Variants in ABCC3 observed in about 807,000 individuals in gnomAD.
ABCC3 encodes the protein ATP binding cassette subfamily C member 3.
In ABCC3, 121 loss-of-function variants were observed where a neutral mutation model predicts 165.3. The ratio of observed to expected loss-of-function variants is 0.73; its 90% CI spans 0.63 to 0.85. The LOEUF (loss-of-function observed/expected upper bound fraction) is 0.85. Ranked by LOEUF, ABCC3 falls within the 40% of genes least tolerant of loss-of-function variation. The pLI is 0.00. For missense variants in ABCC3, 1,869 were observed against 1,964.1 expected, an observed-to-expected ratio of 0.95 and a Z score of 0.92; for synonymous variants, 733 against 810.1, an observed-to-expected ratio of 0.90 and a Z score of 1.62.
At position 50,653,836 on chromosome 17, in the gene ABCC3, G is replaced by T. The variant is rs1404690716; in HGVS notation, c.46-1996G>T. Among the ~76,000 whole-genome samples the T allele has an allele frequency of 2.0e-5, 3 of 151,682 alleles. No individual in the cohort carries two copies. The East Asian group carries it at 5.8e-4, about 29-fold the overall frequency. On this transcript the variant is annotated intron_variant, in intron 1 of 30. Transcript: ENST00000285238. ...TGTGGTCAAGTAGTACTTACAGAGA[G>T]AAAAAAAGTGACACATAGAAATAGC...
chr17:50,654,937 C>CA (rs67429689), intron 1 of ABCC3, among the ~76,000 whole-genome samples: 64,039 of 133,986 alleles, frequency 0.48, 15,076 homozygotes, highest in Non-Finnish European at 0.54. Flanking sequence ...ATTAAAAATA[C>CA]AAAAAAAAAA....
intron 26 of ABCC3, 146 bp from the exon 27 acceptor site, chr17:50,683,464 A>ACTG: frequency 1.2e-6 from 1 of 827,240 alleles, no homozygotes; most frequent in Non-Finnish European, 1.7e-6. Flanking sequence ...GGAGTCATTG[A>ACTG]ACACAAGGCT....
intron 1 of ABCC3, among the ~76,000 whole-genome samples, chr17:50,641,119 G>T (rs142951689): frequency 6.6e-6 from 1 of 152,220 alleles, no homozygotes; most frequent in Non-Finnish European, 1.5e-5. Context: ...CGCCCCCATC[G>T]CCTGTATGAG....
chr17:50,635,221 G>A (rs1396431148), intron 1 of ABCC3: 5 of 627,924 alleles, frequency 8.0e-6, no homozygotes, highest in Admixed American at 5.5e-5. Flanking sequence ...GCAGCACTGG[G>A]GAGCCCGGGA....
In ABCC3 at chr17:50,673,227, T is replaced by C. The variant is rs1010758416; in HGVS notation, c.2409+89T>C. ...AGAGGCTGAGGGGTTTGGATGAGAC[T>C]TGGAGGTGTGGGGGGCGCAAGAAGT... is the stretch of plus-strand genomic sequence containing the variant. On this transcript the variant is annotated intron_variant, in intron 18 of 30. Coordinates refer to ENST00000285238, the MANE Select transcript of ABCC3 (RefSeq NM_003786.4). The C allele has an allele frequency of 3.3e-6, 5 of 1,527,926 alleles. No individual in the cohort carries two copies. In the African/African-American group the frequency reaches 6.8e-5, roughly 21 times the overall value. 94.6% of individuals were successfully genotyped at this position (1,527,926 alleles called of 1,614,324 possible).
At chr17:50,656,872 G>A in intron 3 of ABCC3, 45 bp downstream of exon 3, 1 of 1,578,264 alleles carries the variant, frequency 6.3e-7, no homozygotes, top group Non-Finnish European at 8.6e-7. Flanking sequence ...GGTCTCCATT[G>A]GGTTGTGGAC....
intron 1 of ABCC3, among the ~76,000 whole-genome samples, chr17:50,655,331 G>A (rs112774500): frequency 0.017 from 2,534 of 149,374 alleles, 73 homozygotes; most frequent in African/African-American, 0.06. Flanking sequence ...GCTTGAACCC[G>A]GGAGGCAGAG....
In ABCC3 at chr17:50,664,077, T is replaced by C. The variant is rs745554437; in HGVS notation, c.1304T>C (p.Leu435Pro). 6.8e-6 allele frequency: 11 copies of C among 1,614,104 alleles called. No individual in the cohort carries two copies. The highest frequency in any genetic ancestry group is 8.5e-6 in the Non-Finnish European group (10 of 1,180,046). ...CTCAATCTGCTGTGGTCAGCACCCC[T>C]GCAGATCATCCTGGCGATCTACTTC... ...PFLNLLWSAP[L>P]QIILAIYFLW... The change falls in exon 10 of 31, where the codon CTG becomes CCG. Residue 435 changes from leucine to proline, a missense_variant. Leu to Pro is a moderately conservative substitution (Grantham distance 98). Transcript: ENST00000285238.
In ABCC3 at chr17:50,658,474, C is replaced by G. The variant is rs781782461; in HGVS notation, c.652C>G (p.Leu218Val). 1 of 1,614,186 alleles carries G rather than the reference C, an allele frequency of 6.2e-7. No homozygotes were observed. Among genetic ancestry groups the G allele is most frequent in the South Asian group, 1.1e-5 (1 of 91,086 alleles). ...GACCAGCGCTGGCTTTCTCTCCCGC[C>G]TGTTTTTCTGGTGGTTCACAAAGTG... ...PETSAGFLSR[L>V]FFWWFTKMAI... Residue 218 changes from leucine to valine, a missense_variant, in exon 6 of 31, where the codon CTG becomes GTG. Coordinates refer to ENST00000285238, the MANE Select transcript of ABCC3 (RefSeq NM_003786.4).
intron 25 of ABCC3, 138 bp downstream of exon 25, chr17:50,678,357 A>G: frequency 1.1e-6 from 1 of 941,104 alleles, no homozygotes; most frequent in South Asian, 4.2e-5. Context: ...CTGTGAGAAA[A>G]AAAAAAAAAG....
At chr17:50,660,071 C>T (rs1046709131) in intron 7 of ABCC3, among the ~76,000 whole-genome samples, 1 of 152,162 alleles carries the variant, frequency 6.6e-6, no homozygotes, top group South Asian at 2.1e-4. Flanking sequence ...GGTGGCAGAG[C>T]TGGAATCCAC....
At position 50,657,184 on chromosome 17, in the gene ABCC3, G is replaced by A. The variant is rs760030803; in HGVS notation, c.486+1G>A. 1.4e-5 allele frequency: 23 copies of A among 1,613,650 alleles called. No homozygotes were observed. ...CAAGATCCTTTTAGCCAAGGCAGAG[G>A]TAAGGTTGGGGGAGAGGGGAACCTG... On this transcript the variant is annotated splice_donor_variant, in intron 4 of 30. Coordinates refer to ENST00000285238, the MANE Select transcript of ABCC3 (RefSeq NM_003786.4). LOFTEE classifies it high-confidence loss of function.
intron 26 of ABCC3, among the ~76,000 whole-genome samples, chr17:50,680,870 T>G (rs1429419537): frequency 6.6e-6 from 1 of 151,356 alleles, no homozygotes; most frequent in Non-Finnish European, 1.5e-5. Flanking sequence ...AGGTCGGGAG[T>G]TCAAAACCAG....
chr17:50,691,577 C>T lies in ABCC3; in HGVS notation c.*377C>T, dbSNP rs1240619180. 1 of 225,884 alleles carries T rather than the reference C, an allele frequency of 4.4e-6. No individual in the cohort carries two copies. Among genetic ancestry groups the T allele is most frequent in the Non-Finnish European group, 9.0e-6 (1 of 111,230 alleles). The allele number at this position is 225,884 out of a possible 1,614,324, so 14.0% of individuals were successfully genotyped here. ...CTGTTTTTTAATAAAAAGCTTTTTC[C>T]TCCTGGAACAGAAGACAGCTGCTGG... On this transcript the variant is annotated 3_prime_UTR_variant, in exon 31 of 31. Transcript: ENST00000285238.
chr17:50,641,664 C>T (rs1966893850), intron 1 of ABCC3, among the ~76,000 whole-genome samples: 1 of 152,186 alleles, frequency 6.6e-6, no homozygotes, highest in Admixed American at 6.5e-5. Context: ...CTGCTCTAAG[C>T]AACAGGAAAT....
intron 1 of ABCC3, among the ~76,000 whole-genome samples, chr17:50,648,781 T>C (rs1315677674): frequency 6.6e-6 from 1 of 152,080 alleles, no homozygotes; most frequent in Non-Finnish European, 1.5e-5. Context: ...AGCCAACTCT[T>C]TAGTGTCTTA....
At chr17:50,635,569 AG>A in intron 1 of ABCC3, 1 of 702,630 alleles carries the variant, frequency 1.4e-6, no homozygotes, top group South Asian at 1.5e-5. Flanking sequence ...CTCCGGACTC[AG>A]AAGGGAGAAG....
Position 50,676,073 on chromosome 17 carries a change from C to A in ABCC3, c.3050C>A (p.Ala1017Asp). Reference protein sequence around the residue: ...NTSLRLGVYAALGILQGFLVM... With the variant: ...NTSLRLGVYADLGILQGFLVM... The stretch of plus-strand genomic sequence containing the variant: ...TCCCTGAGGCTGGGCGTCTATGCTG[C>A]TTTAGGAATTCTGCAAGGTGAGCTT... The change falls in exon 22 of 31, where the codon GCT becomes GAT. Residue 1017 changes from alanine to aspartate, a missense_variant. By Grantham distance (126) the Ala-to-Asp change is moderately radical (BLOSUM62 -2). Coordinates refer to ENST00000285238, the MANE Select transcript of ABCC3 (RefSeq NM_003786.4). The A allele has an allele frequency of 6.2e-7, 1 of 1,614,172 alleles. No homozygotes were observed. The highest frequency in any genetic ancestry group is 1.3e-5 in the African/African-American group (1 of 75,042).
chr17:50,664,953 G>A (rs763295395), intron 10 of ABCC3, among the ~76,000 whole-genome samples, 200 bp from the exon 11 acceptor site: 4 of 152,106 alleles, frequency 2.6e-5, no homozygotes, highest in Non-Finnish European at 5.9e-5. Context: ...GTCTGTCCCT[G>A]TCGTCGTTAT....
Sources: gnomAD v4.1 joint callset for allele counts (sites outside exome capture counted in the v4.1 genomes callset) on GRCh38, gnomAD v4.1.1 for gene constraint, MANE v1.5 for transcripts, NCBI Gene and HGNC (gene_info 2026-07-23, HGNC 2026-07-21) for gene names.